PLXNB1: variants seen among roughly 807,000 people sequenced by gnomAD.
The protein encoded by PLXNB1 is plexin B1.
In PLXNB1, 106 loss-of-function variants were observed where a neutral mutation model predicts 209.4. The ratio of observed to expected loss-of-function variants is 0.51; its 90% CI spans 0.43 to 0.59. The LOEUF (loss-of-function observed/expected upper bound fraction) is 0.59. Among genes scored for constraint, PLXNB1 ranks in the 20% least tolerant of loss-of-function variants. The probability of loss-of-function intolerance (pLI) is 0.00; values close to 1 mark genes in which losing one functional copy is unlikely to be tolerated. For synonymous variants in PLXNB1, 1,167 were observed against 1,183.2 expected (o/e 0.99, Z 0.28); for missense variants, 2,357 against 2,853.2 (o/e 0.83, Z 3.96).
rs188697214 is a variant in PLXNB1, at chr3:48,423,704, G to A, written c.908C>T (p.Pro303Leu). The change falls in exon 3 of 38, where the codon CCC (proline) becomes CTC (leucine). Residue 303 changes from proline to leucine, a missense_variant. Physicochemically the swap from Pro to Leu is moderately conservative, Grantham distance 98. Coordinates refer to ENST00000296440, the MANE Select transcript of PLXNB1 (RefSeq NM_001130082.3). ...LFAAFSSAAPPTVGRPPSAAA... is the reference protein window; with the variant it reads ...LFAAFSSAAPLTVGRPPSAAA... ...CGCCGATGGGGGCCGGCCCACAGTG[G>A]GGGGTGCAGCCGAGGAGAAAGCTGC... 2.5e-6 allele frequency: 4 copies of A among 1,613,782 alleles called. No homozygotes were observed. The highest frequency in any genetic ancestry group is 3.3e-5 in the Admixed American group (2 of 60,018).
Position 48,416,258 on chromosome 3 carries a change from C to A in PLXNB1, c.3480+88G>T. 3 of 1,546,658 alleles carry A rather than the reference C, an allele frequency of 1.9e-6. No individual in the cohort carries two copies. Among genetic ancestry groups the A allele is most frequent in the Non-Finnish European group, 2.7e-6 (3 of 1,130,672 alleles). ...AGACAGGCTGGCCCAGGACTGGGAG[C>A]CCCACCAAGGAATAACCAGATGGGT... On this transcript the variant is annotated intron_variant, in intron 17 of 37. Transcript: ENST00000296440. This position sits in a 1 kb window ranked among gnomAD's most constrained non-coding sequence, Gnocchi z 4.1.
intron 2 of PLXNB1, among the ~76,000 whole-genome samples, chr3:48,424,954 G>A (rs575651015): frequency 6.6e-6 from 1 of 152,318 alleles, no homozygotes; most frequent in Admixed American, 6.5e-5. Context: ...TCTGGATGGG[G>A]CAGAAGAGCA....
At position 48,418,004 on chromosome 3, in the gene PLXNB1, T is replaced by C. The variant is rs1164985949; in HGVS notation, c.3281A>G (p.Asn1094Ser). 2 of 1,613,320 alleles carry C rather than the reference T, an allele frequency of 1.2e-6. No homozygotes were observed. The highest frequency in any genetic ancestry group is 1.7e-6 in the Non-Finnish European group (2 of 1,179,994). ...CACATCCTGCACATGCTGGCCCAGG[T>C]TGGAGCCCCTGATGGTGACACGGGT... ...GGTRVTIRGS[N>S]LGQHVQDVLG... The change falls in exon 16 of 38, where the codon AAC (asparagine) becomes AGC (serine). Residue 1094 changes from asparagine to serine, a missense_variant. Asn to Ser is a conservative substitution (Grantham distance 46). Coordinates refer to ENST00000296440, the MANE Select transcript of PLXNB1 (RefSeq NM_001130082.3). This position sits in a 1 kb window ranked among gnomAD's most constrained non-coding sequence, Gnocchi z 6.6.
At position 48,422,479 on chromosome 3, in the gene PLXNB1, G is replaced by A; in HGVS notation, c.1291-20C>T. The A allele has an allele frequency of 6.4e-7, 1 of 1,561,788 alleles. No individual in the cohort carries two copies. Among genetic ancestry groups the A allele is most frequent in the Non-Finnish European group, 8.7e-7 (1 of 1,155,990 alleles). On this transcript the variant is annotated intron_variant, in intron 4 of 37. Coordinates refer to ENST00000296440, the MANE Select transcript of PLXNB1 (RefSeq NM_001130082.3). ...GTAGACCTGGGATCAGAGACCACAG[G>A]GTCTGGGACCCAAGTCCATGGCCAG...
Position 48,409,799 on chromosome 3 carries a change from A to AC in PLXNB1, c.5779-69dup, listed in dbSNP as rs1382118131. ...CCTCAGCAGCAGCCCAGCCTCAGAC[A>AC]CCCCCCGGCACTGTGCCTGCACGAG... is the stretch of plus-strand genomic sequence containing the variant. On this transcript the variant is annotated intron_variant, in intron 32 of 37. Coordinates refer to ENST00000296440, the MANE Select transcript of PLXNB1 (RefSeq NM_001130082.3). The surrounding 1 kb of genome is among the most constrained non-coding windows in gnomAD (Gnocchi z 5.8). The AC allele has an allele frequency of 6.3e-6, 10 of 1,576,386 alleles. No individual in the cohort carries two copies. Among genetic ancestry groups the AC allele is most frequent in the Middle Eastern group, 1.7e-4 (1 of 5,756 alleles).
Position 48,414,830 on chromosome 3 carries a change from C to T in PLXNB1, c.4178G>A (p.Arg1393Gln), listed in dbSNP as rs778052248. The T allele has an allele frequency of 1.4e-5, 22 of 1,613,914 alleles. No individual in the cohort carries two copies. The highest frequency in any genetic ancestry group is 6.6e-5 in the South Asian group (6 of 91,090). ...LNPEDPTMPF[R>Q]HKPGSVFSVE... The stretch of plus-strand genomic sequence containing the variant: ...GGAGAACACACTCCCAGGCTTGTGC[C>T]GGAATGGCATGGTGGGGTCCTCAGG... The change falls in exon 21 of 38, where the codon CGG (arginine) becomes CAG (glutamine). Residue 1393 changes from arginine (R) to glutamine (Q), a missense_variant. Arg to Gln is a conservative substitution (Grantham distance 43, BLOSUM62 1). Coordinates refer to ENST00000296440, the MANE Select transcript of PLXNB1 (RefSeq NM_001130082.3).
In PLXNB1 at chr3:48,419,467, A is replaced by C; in HGVS notation, c.2710-101T>G. 2 of 1,496,336 alleles carry C rather than the reference A, an allele frequency of 1.3e-6. No homozygotes were observed. The highest frequency in any genetic ancestry group is 1.8e-6 in the Non-Finnish European group (2 of 1,112,134). 92.7% of individuals were successfully genotyped at this position (1,496,336 alleles called of 1,614,324 possible). On this transcript the variant is annotated intron_variant, in intron 11 of 37. Transcript: ENST00000296440. The surrounding 1 kb of genome is among the most constrained non-coding windows in gnomAD (Gnocchi z 5.7). ...AGGCAAGGCCGGTGTGGGGCTGCAG[A>C]CTCCACCCTGCCCCTCACCTCCTCC...
At position 48,406,821 on chromosome 3, in the gene PLXNB1, A is replaced by T; in HGVS notation, c.6228+2T>A. 6.2e-7 allele frequency: 1 copy of T among 1,605,668 alleles called. No individual in the cohort carries two copies. The highest frequency in any genetic ancestry group is 8.5e-7 in the Non-Finnish European group (1 of 1,176,038). ...AACCCAAGAAGCAGAGGGAGGCCTT[A>T]CCCAGGACAGTTCAGCCAGGACAGA... is the stretch of plus-strand genomic sequence containing the variant. On this transcript the variant is annotated splice_donor_variant, in intron 36 of 37. Transcript: ENST00000296440. LOFTEE classifies it high-confidence loss of function. The surrounding 1 kb of genome is among the most constrained non-coding windows in gnomAD (Gnocchi z 4.4).
intron 7 of PLXNB1, 25 bp from the exon 8 acceptor site, chr3:48,421,409 T>C: frequency 6.6e-7 from 1 of 1,516,856 alleles, no homozygotes; most frequent in Non-Finnish European, 8.8e-7. Flanking sequence ...AGGGACACAC[T>C]GTTGGGGCTA....
Position 48,413,096 on chromosome 3 carries a change from G to A in PLXNB1, c.4609C>T (p.Arg1537Trp), listed in dbSNP as rs866211567. ...GTGAATTCCTTCTTGCAGCGGTCCC[G>A]CACACTGCTCTCCAGATTCTCCAGC... ...IQLENLESSV[R>W]DRCKKEFTDL... The change falls in exon 24 of 38, where the codon CGG becomes TGG. Residue 1537 changes from arginine (R) to tryptophan (W), a missense_variant. Physicochemically the swap from Arg to Trp is moderately radical, Grantham distance 101 (BLOSUM62 -3). Around this residue, in one of 7 missense-constraint regions of PLXNB1, gnomAD observed 743 missense variants for 896.2 expected, o/e 0.83. Coordinates refer to ENST00000296440, the MANE Select transcript of PLXNB1 (RefSeq NM_001130082.3). The surrounding 1 kb of genome is among the most constrained non-coding windows in gnomAD (Gnocchi z 5.4). 4 of 1,613,536 alleles carry A rather than the reference G, an allele frequency of 2.5e-6. No individual in the cohort carries two copies. Among genetic ancestry groups the A allele is most frequent in the Non-Finnish European group, 3.4e-6 (4 of 1,179,792 alleles).
At chr3:48,421,982 T>C (rs2038560077) in intron 6 of PLXNB1, 123 bp downstream of exon 6, 3 of 1,281,458 alleles carry the variant, frequency 2.3e-6, no homozygotes, top group Non-Finnish European at 3.3e-6. Context: ...GGGTGAGGAA[T>C]TGGGGTGTCT....
Position 48,423,486 on chromosome 3 carries a change from G to C in PLXNB1, c.1107+19C>G. On this transcript the variant is annotated intron_variant, in intron 3 of 37. Transcript: ENST00000296440. ...GTGGCCTCAGAGAGGCGGAAAAGTGGGGCAATACTGGAACTCACCACTGGC... is the reference window on the plus strand; with the variant it reads ...GTGGCCTCAGAGAGGCGGAAAAGTGCGGCAATACTGGAACTCACCACTGGC... 1 of 1,602,286 alleles carries C rather than the reference G, an allele frequency of 6.2e-7. No homozygotes were observed. The highest frequency in any genetic ancestry group is 8.5e-7 in the Non-Finnish European group (1 of 1,171,020).
rs1421512650 is a variant in PLXNB1 at position 48,411,062 on chromosome 3, AG to A, written c.5248-27del. Reference sequence around the variant, plus strand: ...CTGTGCAGGACACACAGGAGCCATCAGGGTTCATGTGCACTCAGGATGACCA... The same window carrying A: ...CTGTGCAGGACACACAGGAGCCATCAGGTTCATGTGCACTCAGGATGACCA... On this transcript the variant is annotated intron_variant, in intron 28 of 37. Coordinates refer to ENST00000296440, the MANE Select transcript of PLXNB1 (RefSeq NM_001130082.3). This position sits in a 1 kb window ranked among gnomAD's most constrained non-coding sequence, Gnocchi z 4.0. The A allele has an allele frequency of 5.0e-6, 8 of 1,594,898 alleles. No individual in the cohort carries two copies. The highest frequency in any genetic ancestry group is 6.9e-6 in the Non-Finnish European group (8 of 1,167,820).
intron 8 of PLXNB1, 24 bp downstream of exon 8, chr3:48,421,189 GGGCTGGCCCCCACCA>G (rs767210659): frequency 1.9e-6 from 3 of 1,598,336 alleles, no homozygotes; most frequent in Non-Finnish European, 2.6e-6. Flanking sequence ...CCTGAAGCAG[GGGCTGGCCCCCACCA>G]GGCTGGCCCA....
rs2038678859 is a variant in PLXNB1 at position 48,423,596 on chromosome 3, G to T, written c.1016C>A (p.Ala339Asp). The change falls in exon 3 of 38, where the codon GCC (alanine) becomes GAC (aspartate). Residue 339 changes from alanine to aspartate, a missense_variant. Ala to Asp is a moderately radical substitution (Grantham distance 126, BLOSUM62 -2). Around this residue, in one of 7 missense-constraint regions of PLXNB1, gnomAD observed 404 missense variants for 443.6 expected, o/e 0.91. Coordinates refer to ENST00000296440, the MANE Select transcript of PLXNB1 (RefSeq NM_001130082.3). ...AGCACGACCCTCCCGGGTGTAGCAGGCATCTCGCGTGCGATTAGCAAGCCG... is the reference window on the plus strand; with the variant it reads ...AGCACGACCCTCCCGGGTGTAGCAGTCATCTCGCGTGCGATTAGCAAGCCG... ...VDRLANRTRD[A>D]CYTREGRAED... 2 of 1,614,222 alleles carry T rather than the reference G, an allele frequency of 1.2e-6. No individual in the cohort carries two copies. Among genetic ancestry groups the T allele is most frequent in the South Asian group, 1.1e-5 (1 of 91,088 alleles).
Position 48,418,087 on chromosome 3 carries a change from C to T in PLXNB1, c.3223-25G>A, listed in dbSNP as rs1471614901. On this transcript the variant is annotated intron_variant, in intron 15 of 37. Transcript: ENST00000296440. The surrounding 1 kb of genome is among the most constrained non-coding windows in gnomAD (Gnocchi z 6.6). ...CCTGTTCCAGGACAAGGACTGCTCA[C>T]CTCTACTCAACTGGAAAGGCAGCCC... 6 of 1,609,460 alleles carry T rather than the reference C, an allele frequency of 3.7e-6. No homozygotes were observed. Among genetic ancestry groups the T allele is most frequent in the East Asian group, 2.2e-5 (1 of 44,824 alleles).
In PLXNB1 at chr3:48,416,436, G is replaced by A. The variant is rs375798902; in HGVS notation, c.3390C>T (p.Thr1130=). The A allele has an allele frequency of 3.7e-5, 59 of 1,612,592 alleles. No homozygotes were observed. In the East Asian group the frequency reaches 4.5e-4, roughly 12 times the overall value. ...YEVSSSLVCI[T]GASGEEVAGA... ...CGGCCACCTCCTCCCCACTGGCCCC[G>A]GTGATGCACACGAGGCTGTAGGCAC... Residue 1130 remains threonine, a synonymous_variant, in exon 17 of 38, where the codon ACC becomes ACT. Transcript: ENST00000296440. The surrounding 1 kb of genome is among the most constrained non-coding windows in gnomAD (Gnocchi z 4.1).
Position 48,405,865 on chromosome 3 carries a change from G to T in PLXNB1, c.6229-67C>A. The T allele has an allele frequency of 1.5e-6, 2 of 1,295,128 alleles. No homozygotes were observed. Among genetic ancestry groups the T allele is most frequent in the South Asian group, 1.2e-5 (1 of 83,430 alleles). 80.2% of individuals were successfully genotyped at this position (1,295,128 alleles called of 1,614,324 possible). On this transcript the variant is annotated intron_variant, in intron 36 of 37. Coordinates refer to ENST00000296440, the MANE Select transcript of PLXNB1 (RefSeq NM_001130082.3). This position sits in a 1 kb window ranked among gnomAD's most constrained non-coding sequence, Gnocchi z 5.0. ...GCAGAGAGCCACAGGAGGCAGCCCA[G>T]GACCCCAGGGAAGGGCTGGGGGAGA...
chr3:48,415,663 C>A lies in PLXNB1; in HGVS notation c.3714G>T (p.Glu1238Asp). The change falls in exon 19 of 38, where the codon GAG (glutamate) becomes GAT (aspartate). Residue 1238 changes from glutamate to aspartate, a missense_variant. Coordinates refer to ENST00000296440, the MANE Select transcript of PLXNB1 (RefSeq NM_001130082.3). The surrounding 1 kb of genome is among the most constrained non-coding windows in gnomAD (Gnocchi z 5.0). ...LPVAVWFGATERRLQRGQFKY... is the reference protein window; with the variant it reads ...LPVAVWFGATDRRLQRGQFKY... ...TGAACTGTCCGCGTTGAAGCCTCCG[C>A]TCCGTGGCCCCAAACCACACAGCCA... 6.4e-7 allele frequency: 1 copy of A among 1,566,576 alleles called. No individual in the cohort carries two copies. Among genetic ancestry groups the A allele is most frequent in the East Asian group, 2.3e-5 (1 of 42,930 alleles).
Sources: gnomAD v4.1 joint callset for allele counts (sites outside exome capture counted in the v4.1 genomes callset) on GRCh38, gnomAD v4.1.1 for gene constraint, gnomAD v4.1.1 regional missense constraint, Gnocchi (gnomAD v3.1) non-coding constraint, MANE v1.5 for transcripts, NCBI Gene and HGNC (gene_info 2026-07-23, HGNC 2026-07-21) for gene names.